Variants in WDR87 observed in about 807,000 individuals in gnomAD.
WDR87 encodes WD repeat-containing protein 87.
In WDR87, 56 loss-of-function variants were observed where a neutral mutation model predicts 83.3. The observed-to-expected ratio is 0.67, with a 90% CI of 0.54 to 0.84. WDR87 has a LOEUF of 0.84. WDR87 is among the 40% of genes least tolerant of loss of function. The pLI is 0.00. For synonymous variants in WDR87, 1,173 were observed against 1,250.6 expected (o/e 0.94, Z 1.31); for missense variants, 2,939 against 3,431.9 (o/e 0.86, Z 3.59).
chr19:37,888,903 A>G lies in WDR87; in HGVS notation c.4768T>C (p.Ser1590Pro), dbSNP rs775639624. 3 of 1,551,554 alleles carry G rather than the reference A, an allele frequency of 1.9e-6. No individual in the cohort carries two copies. ...EEEVTLEEEVSREGEEKEQQV... is the reference protein window; with the variant it reads ...EEEVTLEEEVPREGEEKEQQV... ...TGTTCTTTTTCTTCCCCCTCCCGAG[A>G]CACTTCTTCCTCCAAAGTCACTTCT... The change falls in exon 6 of 6, where the codon TCT (serine) becomes CCT (proline). Residue 1590 changes from serine to proline, a missense_variant. By Grantham distance (74) the Ser-to-Pro change is moderately conservative. Around this residue, in one of 3 missense-constraint regions of WDR87, gnomAD observed 2,160 missense variants for 2,533.1 expected, o/e 0.85. Coordinates refer to ENST00000447313, the MANE Select transcript of WDR87 (RefSeq NM_001291088.2).
Position 37,898,198 on chromosome 19 carries a change from T to C in WDR87, c.42A>G (p.Lys14=), listed in dbSNP as rs1250207925. 1 of 1,550,912 alleles carries C rather than the reference T, an allele frequency of 6.4e-7. No homozygotes were observed. The highest frequency in any genetic ancestry group is 8.7e-7 in the Non-Finnish European group (1 of 1,146,762). ...PRLIPLWKDL[K]LLLNDTINKS... ...TATTTATGGTGTCATTTAGGAGGAG[T>C]TTTAAATCTTTCCACAGGGGAATGA... Residue 14 remains lysine, a synonymous_variant, in exon 2 of 6, where the codon AAA becomes AAG. Coordinates refer to ENST00000447313, the MANE Select transcript of WDR87 (RefSeq NM_001291088.2).
At position 37,887,572 on chromosome 19, in the gene WDR87, T is replaced by C; in HGVS notation, c.6099A>G (p.Arg2033=). 6.4e-7 allele frequency: 1 copy of C among 1,551,898 alleles called. No individual in the cohort carries two copies. The highest frequency in any genetic ancestry group is 8.7e-7 in the Non-Finnish European group (1 of 1,147,030). The change falls in exon 6 of 6, where the codon AGA becomes AGG. Residue 2033 remains arginine (R), a synonymous_variant. Coordinates refer to ENST00000447313, the MANE Select transcript of WDR87 (RefSeq NM_001291088.2). ...GTTCAACTTGAGTCATTTTCCTTTGTCTAGAAGTTTCTGGAGTCTCTCCCT... is the reference window on the plus strand; with the variant it reads ...GTTCAACTTGAGTCATTTTCCTTTGCCTAGAAGTTTCTGGAGTCTCTCCCT... ...LSKGETPETS[R]QRKMTQVEQE... is the part of the protein sequence containing the mutation.
intron 4 of WDR87, 108 bp from the exon 5 acceptor site, chr19:37,891,928 A>C (rs908801003): frequency 2.2e-5 from 30 of 1,336,886 alleles, no homozygotes; most frequent in Non-Finnish European, 2.9e-5. Flanking sequence ...AAAGTGGCCA[A>C]GAGAGATGGC....
chr19:37,890,557 G>C (rs971315115), intron 5 of WDR87, among the ~76,000 whole-genome samples: 1 of 151,856 alleles, frequency 6.6e-6, no homozygotes, highest in African/African-American at 2.4e-5. Flanking sequence ...TTTTACTGAG[G>C]TATAATTTAA....
Position 37,892,758 on chromosome 19 carries a change from T to G in WDR87, c.2945A>C (p.Glu982Ala). ...SNPLIRELAW[E>A]GLKRLGMITH... is the part of the protein sequence containing the mutation. The stretch of plus-strand genomic sequence containing the variant: ...AATCATTCCTAGACGCTTCAGCCCT[T>G]CCCAAGCTAGTTCTCGGATCAGCGG... Residue 982 changes from glutamate (E) to alanine (A), a missense_variant, in exon 4 of 6, where the codon GAA (glutamate) becomes GCA (alanine). This residue lies in a region of WDR87 where 2,160 missense variants were observed against 2,533.1 expected (regional missense o/e 0.85). Transcript: ENST00000447313. The G allele has an allele frequency of 1.9e-6, 3 of 1,551,734 alleles. No homozygotes were observed. The highest frequency in any genetic ancestry group is 2.6e-6 in the Non-Finnish European group (3 of 1,146,992).
At position 37,887,083 on chromosome 19, in the gene WDR87, T is replaced by A. The variant is rs1425651674; in HGVS notation, c.6588A>T (p.Glu2196Asp). 1 of 1,550,258 alleles carries A rather than the reference T, an allele frequency of 6.5e-7. No individual in the cohort carries two copies. The highest frequency in any genetic ancestry group is 8.7e-7 in the Non-Finnish European group (1 of 1,146,816). Residue 2196 changes from glutamate to aspartate, a missense_variant, in exon 6 of 6, where the codon GAA (glutamate) becomes GAT (aspartate). By Grantham distance (45) the Glu-to-Asp change is conservative. Around this residue, in one of 3 missense-constraint regions of WDR87, gnomAD observed 2,160 missense variants for 2,533.1 expected, o/e 0.85. Coordinates refer to ENST00000447313, the MANE Select transcript of WDR87 (RefSeq NM_001291088.2). ...TGCTCTCTTCCTCAGTCATTTTTTCTTCTTTGTTTATCATTCTTCTCATTT... is the reference window on the plus strand; with the variant it reads ...TGCTCTCTTCCTCAGTCATTTTTTCATCTTTGTTTATCATTCTTCTCATTT... ...ANKMRRMINK[E>D]EKMTEEESKL...
chr19:37,903,317 C>T (rs2046303901), intron 1 of WDR87, among the ~76,000 whole-genome samples: 1 of 152,190 alleles, frequency 6.6e-6, no homozygotes, highest in South Asian at 2.1e-4. Flanking sequence ...GGGAGTGCTA[C>T]TCTGGCCTTC....
chr19:37,906,685 G>T (rs1278849004), upstream of WDR87: 1 of 150,624 alleles, frequency 6.6e-6, no homozygotes, highest in East Asian at 2.0e-4. Flanking sequence ...CGTGCGCATG[G>T]GCGCGCGCCC....
intron 1 of WDR87, among the ~76,000 whole-genome samples, chr19:37,904,954 A>T (rs1259049994): frequency 6.6e-6 from 1 of 152,046 alleles, no homozygotes; most frequent in Admixed American, 6.6e-5. Context: ...TGTAGAACTG[A>T]GGCCAGGCAT....
chr19:37,885,027 G>A lies in WDR87; in HGVS notation c.8644C>T (p.Arg2882Trp), dbSNP rs769676560. The A allele has an allele frequency of 1.7e-4, 245 of 1,442,952 alleles. No individual in the cohort carries two copies. The highest frequency in any genetic ancestry group is 2.0e-4 in the Non-Finnish European group (222 of 1,095,846). 89.4% of individuals were successfully genotyped at this position (1,442,952 alleles called of 1,614,324 possible). The change falls in exon 6 of 6, where the codon CGG (arginine) becomes TGG (tryptophan). Residue 2882 changes from arginine to tryptophan, a missense_variant. Arg to Trp is a moderately radical substitution (Grantham distance 101, BLOSUM62 -3). This residue lies in a region of WDR87 where 2,160 missense variants were observed against 2,533.1 expected (regional missense o/e 0.85). Transcript: ENST00000447313. ...VRTILPVGIA[R>W]YGILELAWKS... is the part of the protein sequence containing the mutation. ...CAGGCAAGTTCTAAGATCCCATACC[G>A]GGCAATGCCCACGGGAAGGATGGTG...
chr19:37,889,549 C>T lies in WDR87; in HGVS notation c.4122G>A (p.Glu1374=). ...REDMIQGVTQ[E]VIRHKEVMPR... ...GCATCACTTCCTTGTGTCTGATCAC[C>T]TCTTGGGTCACACCTTGTATCATGT... is the stretch of plus-strand genomic sequence containing the variant. The change falls in exon 6 of 6, where the codon GAG becomes GAA. Residue 1374 remains glutamate (E), a synonymous_variant. Transcript: ENST00000447313. The T allele has an allele frequency of 6.4e-7, 1 of 1,551,722 alleles. No homozygotes were observed. Among genetic ancestry groups the T allele is most frequent in the East Asian group, 2.4e-5 (1 of 40,912 alleles).
chr19:37,895,920 G>A, intron 3 of WDR87: 1 of 584,440 alleles, frequency 1.7e-6, no homozygotes, highest in East Asian at 3.1e-5. Flanking sequence ...GGTAGAGGCA[G>A]GAATCCTAGG....
chr19:37,896,032 C>A, intron 3 of WDR87, 106 bp downstream of exon 3: 1 of 1,399,330 alleles, frequency 7.1e-7, no homozygotes. Flanking sequence ...TGGTTCCAGA[C>A]CACATTCATC....
chr19:37,885,343 C>A lies in WDR87; in HGVS notation c.8328G>T (p.Arg2776=), dbSNP rs761553527. The change falls in exon 6 of 6, where the codon CGG becomes CGT. Residue 2776 remains arginine (R), a synonymous_variant. Coordinates refer to ENST00000447313, the MANE Select transcript of WDR87 (RefSeq NM_001291088.2). ...CTTTTGGATATCGCTGCTGCAGCATCCGCAAAACATGGTACAGTGCCACAA... is the reference window on the plus strand; with the variant it reads ...CTTTTGGATATCGCTGCTGCAGCATACGCAAAACATGGTACAGTGCCACAA... ...ETFVALYHVL[R]MLQQRYPKDS... is the part of the protein sequence containing the mutation. The A allele has an allele frequency of 5.1e-5, 79 of 1,551,644 alleles. No individual in the cohort carries two copies. Among genetic ancestry groups the A allele is most frequent in the Non-Finnish European group, 6.4e-5 (73 of 1,147,028 alleles).
intron 1 of WDR87, among the ~76,000 whole-genome samples, chr19:37,903,130 C>T (rs1209537094): frequency 2.0e-5 from 3 of 152,294 alleles, no homozygotes; most frequent in Non-Finnish European, 4.4e-5. Context: ...AGACAGGGCC[C>T]TGCATGGATT....
rs2046174657 is a variant in WDR87, at chr19:37,888,725, G to C, written c.4946C>G (p.Ala1649Gly). ...CTGGGCCAGTTTTCTCTCTTCCTGG[G>C]CCAACTGTCTCTCTTCTTGTGCAAG... ...EKLAQEERQL[A>G]QEERKLAQAY... is the part of the protein sequence containing the mutation. The change falls in exon 6 of 6, where the codon GCC becomes GGC. Residue 1649 changes from alanine (A) to glycine (G), a missense_variant. Ala to Gly is a moderately conservative substitution (Grantham distance 60, BLOSUM62 0). Around this residue, in one of 3 missense-constraint regions of WDR87, gnomAD observed 2,160 missense variants for 2,533.1 expected, o/e 0.85. Coordinates refer to ENST00000447313, the MANE Select transcript of WDR87 (RefSeq NM_001291088.2). 1.3e-6 allele frequency: 2 copies of C among 1,551,670 alleles called. No individual in the cohort carries two copies. The highest frequency in any genetic ancestry group is 1.7e-6 in the Non-Finnish European group (2 of 1,147,050).
At chr19:37,903,677 G>C (rs1372971846) in intron 1 of WDR87, among the ~76,000 whole-genome samples, 2 of 151,972 alleles carry the variant, frequency 1.3e-5, no homozygotes, top group East Asian at 3.9e-4. Context: ...CTACAGGCTA[G>C]TGCTACCACA....
Position 37,893,795 on chromosome 19 carries a change from A to G in WDR87, c.1908T>C (p.His636=). 6.4e-7 allele frequency: 1 copy of G among 1,551,724 alleles called. No homozygotes were observed. Among genetic ancestry groups the G allele is most frequent in the Non-Finnish European group, 8.7e-7 (1 of 1,147,012 alleles). ...ADGSVRIWDF[H]GRLIGILDSS... The stretch of plus-strand genomic sequence containing the variant: ...AGTCCAGAATGCCTATGAGTCTGCC[A>G]TGGAAGTCCCAGATCCGAACAGAGC... Residue 636 remains histidine (H), a synonymous_variant, in exon 4 of 6, where the codon CAT becomes CAC. Coordinates refer to ENST00000447313, the MANE Select transcript of WDR87 (RefSeq NM_001291088.2).
Position 37,893,688 on chromosome 19 carries a change from A to G in WDR87, c.2015T>C (p.Val672Ala). ...TGGGGGAAGCAATTTTAAACAGGACACTAGGTAAAGACTCTGGTTAAAAGT... is the reference window on the plus strand; with the variant it reads ...TGGGGGAAGCAATTTTAAACAGGACGCTAGGTAAAGACTCTGGTTAAAAGT... Reference protein sequence around the residue: ...LVTFNQSLYLVSCLKLLPPAL... With the variant: ...LVTFNQSLYLASCLKLLPPAL... The change falls in exon 4 of 6, where the codon GTG (valine) becomes GCG (alanine). Residue 672 changes from valine (V) to alanine (A), a missense_variant. Val to Ala is a moderately conservative substitution (Grantham distance 64). This residue lies in a region of WDR87 where 553 missense variants were observed against 577.9 expected (regional missense o/e 0.96). Transcript: ENST00000447313. The G allele has an allele frequency of 1.3e-6, 2 of 1,551,992 alleles. No individual in the cohort carries two copies. Among genetic ancestry groups the G allele is most frequent in the Non-Finnish European group, 1.7e-6 (2 of 1,147,090 alleles).
Sources: gnomAD v4.1 joint callset for allele counts (sites outside exome capture counted in the v4.1 genomes callset) on GRCh38, gnomAD v4.1.1 for gene constraint, gnomAD v4.1.1 regional missense constraint, MANE v1.5 for transcripts, NCBI Gene and HGNC (gene_info 2026-07-23, HGNC 2026-07-21) for gene names.